The following JAKMIP3 variants were observed in gnomAD, a reference collection of about 807,000 sequenced individuals.
The protein encoded by JAKMIP3 is janus kinase and microtubule-interacting protein 3.
Under a neutral mutation model 118.5 loss-of-function variants are expected in JAKMIP3, and 58 were observed. That is an observed-to-expected ratio of 0.49 (90% CI 0.40 to 0.61). The LOEUF (loss-of-function observed/expected upper bound fraction) is 0.61. JAKMIP3 is among the 20% of genes least tolerant of loss of function. The probability of loss-of-function intolerance (pLI) is 0.00; values close to 1 mark genes in which losing one functional copy is unlikely to be tolerated. For synonymous variants in JAKMIP3, 486 were observed against 451.2 expected, an observed-to-expected ratio of 1.08 and a Z score of -0.98; for missense variants, 950 against 1,109.0, an observed-to-expected ratio of 0.86 and a Z score of 2.04.
chr10:132,140,669 C>T (rs2053329756), intron 10 of JAKMIP3, 90 bp downstream of exon 10: 2 of 1,457,410 alleles, frequency 1.4e-6, no homozygotes, highest in Non-Finnish European at 1.8e-6. Flanking sequence ...TAACGAGGGT[C>T]TCCTGCCGGG....
chr10:132,104,652 C>T lies in JAKMIP3; in HGVS notation c.-137-20C>T, dbSNP rs922784939. Reference sequence around the variant, plus strand: ...CGGCTCCGGAGGGAGCTGCTCACCGCGGTGTGCTTTCCCCTCCAGGTGAAT... The same window carrying T: ...CGGCTCCGGAGGGAGCTGCTCACCGTGGTGTGCTTTCCCCTCCAGGTGAAT... On this transcript the variant is annotated intron_variant, in intron 1 of 23. Coordinates refer to ENST00000684848, the MANE Select transcript of JAKMIP3 (RefSeq NM_001323087.2). 1.7e-5 allele frequency: 13 copies of T among 743,918 alleles called. No individual in the cohort carries two copies. Among genetic ancestry groups the T allele is most frequent in the Middle Eastern group, 3.9e-4 (1 of 2,584 alleles). 46.1% of individuals were successfully genotyped at this position (743,918 alleles called of 1,614,324 possible).
upstream of JAKMIP3, among the ~76,000 whole-genome samples, chr10:132,063,406 C>T (rs551505203): frequency 5.1e-5 from 3 of 58,550 alleles, no homozygotes; most frequent in East Asian, 0.056. Flanking sequence ...GGCAATGTGG[C>T]TGGGAGGCTC....
rs1411393488 is a variant in JAKMIP3, at chr10:132,179,119, A to G, written c.*1104-3238A>G. 1.3e-5 allele frequency among the ~76,000 whole-genome samples: 2 copies of G among 152,182 alleles called. No homozygotes were observed. Among genetic ancestry groups the G allele is most frequent in the Non-Finnish European group, 2.9e-5 (2 of 68,030 alleles). On this transcript the variant is annotated intron_variant, in intron 23 of 23. Coordinates refer to ENST00000684848, the MANE Select transcript of JAKMIP3 (RefSeq NM_001323087.2). This position sits in a 1 kb window ranked among gnomAD's most constrained non-coding sequence, Gnocchi z 4.3. ...TCCTGTCCCTGCTGCCGCCCTTGGC[A>G]CTGTCCAATGAGCCAAGTTCATGAT...
intron 1 of JAKMIP3, among the ~76,000 whole-genome samples, chr10:132,074,909 T>A (rs1481171886): frequency 1.2e-4 from 18 of 152,226 alleles, no homozygotes; most frequent in Admixed American, 1.2e-3. Context: ...TATCCATTTT[T>A]CCCAGCACCA....
At chr10:132,149,214 CA>C (rs2055321051) in intron 14 of JAKMIP3, among the ~76,000 whole-genome samples, 197 bp from the exon 15 acceptor site, 1 of 152,082 alleles carries the variant, frequency 6.6e-6, no homozygotes, top group African/African-American at 2.4e-5. Context: ...AGCGAATATA[CA>C]GGGGCAGTCC....
chr10:132,044,514 G>A lies in JAKMIP3; in HGVS notation c.-138+7776G>A, dbSNP rs2037851831. On this transcript the variant is annotated intron_variant, in intron 1 of 23. Transcript: ENST00000657785. This position sits in a 1 kb window ranked among gnomAD's most constrained non-coding sequence, Gnocchi z 5.3. ...GCTGGTGCAGAGGAGGGTGCGGCCGGTGCAGAGGAGGATGCAGGAGGAGTG... is the reference window on the plus strand; with the variant it reads ...GCTGGTGCAGAGGAGGGTGCGGCCGATGCAGAGGAGGATGCAGGAGGAGTG... Among the ~76,000 whole-genome samples the A allele has an allele frequency of 6.6e-6, 1 of 152,120 alleles. No homozygotes were observed. Among genetic ancestry groups the A allele is most frequent in the Non-Finnish European group, 1.5e-5 (1 of 68,018 alleles).
Position 132,140,709 on chromosome 10 carries a change from G to T in JAKMIP3, c.1473+130G>T, listed in dbSNP as rs2053343691. 4 of 1,417,086 alleles carry T rather than the reference G, an allele frequency of 2.8e-6. No homozygotes were observed. The South Asian group carries it at 5.8e-5, about 21-fold the overall frequency. The allele number at this position is 1,417,086 out of a possible 1,614,324, so 87.8% of individuals were successfully genotyped here. ...GGGCTTGGCTGGGCATGGGCTGCCG[G>T]CTTTTCACGGGGAAGCCCTTCGCGG... is the stretch of plus-strand genomic sequence containing the variant. On this transcript the variant is annotated intron_variant, in intron 10 of 23. Coordinates refer to ENST00000684848, the MANE Select transcript of JAKMIP3 (RefSeq NM_001323087.2).
intron 19 of JAKMIP3, among the ~76,000 whole-genome samples, chr10:132,155,118 A>ATGATGATGG: frequency 8.7e-6 from 1 of 115,344 alleles, no homozygotes; most frequent in East Asian, 2.7e-4. Flanking sequence ...GATGATGGTC[A>ATGATGATGG]TGATGATGGT....
At chr10:132,137,617 G>C (rs940612666) in intron 8 of JAKMIP3, among the ~76,000 whole-genome samples, 1 of 152,194 alleles carries the variant, frequency 6.6e-6, no homozygotes, top group Non-Finnish European at 1.5e-5. Flanking sequence ...TTTCTCCCTG[G>C]CCAGCACAGA....
intron 3 of JAKMIP3, among the ~76,000 whole-genome samples, chr10:132,119,168 G>A (rs1043595167): frequency 4.0e-5 from 6 of 150,280 alleles, no homozygotes; most frequent in African/African-American, 1.2e-4. Context: ...CTCCATCCTC[G>A]CCAGATCTCT....
chr10:132,164,853 A>G, intron 21 of JAKMIP3, 118 bp downstream of exon 21: 1 of 703,104 alleles, frequency 1.4e-6, no homozygotes, highest in Non-Finnish European at 2.5e-6. Context: ...CGCTCCCAAC[A>G]GCAGCGGGAA....
intron 23 of JAKMIP3, among the ~76,000 whole-genome samples, chr10:132,180,678 C>CATGT (rs2061032262): frequency 1.0e-4 from 1 of 9,558 alleles, no homozygotes; most frequent in Non-Finnish European, 1.7e-4. Context: ...TGTGTGTGCG[C>CATGT]GCGCGTGTGT....
intron 3 of JAKMIP3, among the ~76,000 whole-genome samples, chr10:132,122,181 C>G (rs1001822128): frequency 8.5e-5 from 13 of 152,246 alleles, no homozygotes; most frequent in African/African-American, 3.1e-4. Flanking sequence ...CCCCAGCCCC[C>G]CTGGTCGGCT....
At chr10:132,167,316 T>C (rs116718150) in intron 22 of JAKMIP3, among the ~76,000 whole-genome samples, 3,163 of 152,284 alleles carry the variant, frequency 0.021, 115 homozygotes, top group African/African-American at 0.073. Context: ...AGAGCAGGGT[T>C]CCCACCACCA....
intron 2 of JAKMIP3, 27 bp downstream of exon 2, chr10:132,104,970 T>A: frequency 6.4e-7 from 1 of 1,569,442 alleles, no homozygotes; most frequent in Non-Finnish European, 8.6e-7. Context: ...CCTCCACCCT[T>A]GAATGTCCCT....
chr10:132,126,512 A>G (rs2049578810), intron 3 of JAKMIP3, among the ~76,000 whole-genome samples: 1 of 144,588 alleles, frequency 6.9e-6, no homozygotes, highest in South Asian at 2.2e-4. Flanking sequence ...TTTGTTGCCC[A>G]GGCTGGTCGT....
upstream of JAKMIP3, among the ~76,000 whole-genome samples, chr10:132,063,654 G>A (rs184289583): frequency 2.6e-4 from 40 of 152,304 alleles, no homozygotes; most frequent in African/African-American, 8.9e-4. Flanking sequence ...TCTGGGCTCC[G>A]GGAGAGAACG....
At chr10:132,159,752 C>CATG (rs2057760890) in intron 19 of JAKMIP3, among the ~76,000 whole-genome samples, 2 of 51,214 alleles carry the variant, frequency 3.9e-5, no homozygotes, top group Non-Finnish European at 6.4e-5. Flanking sequence ...CTGGGGGGGC[C>CATG]TCTTCCTGTG....
At chr10:132,065,275 G>C (rs2038625994), upstream of JAKMIP3, among the ~76,000 whole-genome samples, 1 of 152,058 alleles carries the variant, frequency 6.6e-6, no homozygotes. The surrounding 1 kb of genome is among the most constrained non-coding windows in gnomAD (Gnocchi z 5.6). Flanking sequence ...ACTGCGTGTG[G>C]GATTGGCGGG....
Sources: gnomAD v4.1 joint callset for allele counts (sites outside exome capture counted in the v4.1 genomes callset) on GRCh38, gnomAD v4.1.1 for gene constraint, Gnocchi (gnomAD v3.1) non-coding constraint, MANE v1.5 for transcripts, NCBI Gene and HGNC (gene_info 2026-07-23, HGNC 2026-07-21) for gene names.